The following B4GALT6 variants were observed in gnomAD, a reference collection of about 807,000 sequenced individuals.
B4GALT6 encodes the protein beta-1,4-galactosyltransferase 6, also known as UDP-Gal:beta-GlcNAc beta-1,4-galactosyltransferase 6.
In B4GALT6, 14 loss-of-function variants were observed where a neutral mutation model predicts 46.3. That is an observed-to-expected ratio of 0.30 (90% CI 0.20 to 0.47). The LOEUF is 0.47. Ranked by LOEUF, B4GALT6 falls within the 20% of genes least tolerant of loss-of-function variation. B4GALT6 has a pLI of 0.99. For synonymous variants in B4GALT6, 168 were observed against 162.0 expected (o/e 1.04, Z -0.28); for missense variants, 386 against 480.1 (o/e 0.80, Z 1.83).
At chr18:31,639,326 C>T (rs3794878) in intron 4 of B4GALT6, among the ~76,000 whole-genome samples, 55,984 of 151,874 alleles carry the variant, frequency 0.37, 10,432 homozygotes, top group Middle Eastern at 0.49. Context: ...ATAATAACTT[C>T]CTGGATTTTG....
chr18:31,651,094 C>G (rs1262162055), intron 3 of B4GALT6, among the ~76,000 whole-genome samples: 3 of 151,780 alleles, frequency 2.0e-5, no homozygotes, highest in Admixed American at 2.0e-4. Flanking sequence ...AAGTGTAGAT[C>G]ATCTGAATCA....
chr18:31,714,082 A>G, the B4GALT6 span, among the ~76,000 whole-genome samples: 1 of 152,234 alleles, frequency 6.6e-6, no homozygotes, highest in African/African-American at 2.4e-5. Flanking sequence ...CATAAAGCAC[A>G]TGTCCAATAT....
chr18:31,645,121 T>C (rs980112560), intron 4 of B4GALT6, among the ~76,000 whole-genome samples: 2 of 152,206 alleles, frequency 1.3e-5, no homozygotes, highest in African/African-American at 4.8e-5. Context: ...TACCAGGAAC[T>C]CAAAGAGAAT....
chr18:31,646,822 T>A (rs1002550023), intron 3 of B4GALT6, among the ~76,000 whole-genome samples: 1 of 152,166 alleles, frequency 6.6e-6, no homozygotes, highest in Non-Finnish European at 1.5e-5. Context: ...CATGCTAGAG[T>A]ATTTTACATC....
intron 3 of B4GALT6, among the ~76,000 whole-genome samples, chr18:31,646,122 T>C (rs565210978): frequency 1.3e-5 from 2 of 152,358 alleles, no homozygotes; most frequent in Admixed American, 1.3e-4. Flanking sequence ...TGACATTTCT[T>C]AAGAGAGGGA....
chr18:31,724,434 CG>C, the B4GALT6 span: 1 of 1,041,022 alleles, frequency 9.6e-7, no homozygotes, highest in African/African-American at 1.7e-5. Context: ...ATCTCCCACG[CG>C]AATCGCCGCC....
chr18:31,700,466 T>TGAGA, the B4GALT6 span, among the ~76,000 whole-genome samples: 40 of 133,248 alleles, frequency 3.0e-4, no homozygotes, highest in South Asian at 4.4e-4. Context: ...TGTGTGTGTG[T>TGAGA]GTGAGAGAGA....
the B4GALT6 span, among the ~76,000 whole-genome samples, chr18:31,723,121 G>A: frequency 2.0e-5 from 3 of 152,172 alleles, no homozygotes; most frequent in South Asian, 2.1e-4. Flanking sequence ...TAGCAATATA[G>A]CATACATATT....
At chr18:31,641,241 T>C (rs2073927310) in intron 4 of B4GALT6, among the ~76,000 whole-genome samples, 1 of 152,238 alleles carries the variant, frequency 6.6e-6, no homozygotes, top group Admixed American at 6.5e-5. Flanking sequence ...CAATAATCTC[T>C]TCAATGAAGT....
At chr18:31,650,266 T>C (rs772669626) in intron 3 of B4GALT6, among the ~76,000 whole-genome samples, 9 of 152,244 alleles carry the variant, frequency 5.9e-5, no homozygotes, top group Non-Finnish European at 1.0e-4. Context: ...ACTGGCCACA[T>C]TGTCAAAGTT....
chr18:31,637,400 T>C lies in B4GALT6; in HGVS notation c.588+1244A>G, dbSNP rs7239255. ...TCCATGCAATGTATGCTTTTTTTTTTTTTTTTTGACCTGTCAGTTCAATGG... is the reference window on the plus strand; with the variant it reads ...TCCATGCAATGTATGCTTTTTTTTTCTTTTTTTGACCTGTCAGTTCAATGG... On this transcript the variant is annotated intron_variant, in intron 5 of 8. Coordinates refer to ENST00000306851, the MANE Select transcript of B4GALT6 (RefSeq NM_004775.5). 5.0e-3 allele frequency among the ~76,000 whole-genome samples: 750 copies of C among 150,852 alleles called. 3 individuals carry two copies. Among genetic ancestry groups the C allele is most frequent in the Middle Eastern group, 0.031 (9 of 290 alleles).
chr18:31,656,284 T>C (rs1003216392), intron 3 of B4GALT6, among the ~76,000 whole-genome samples: 1 of 152,106 alleles, frequency 6.6e-6, no homozygotes, highest in Non-Finnish European at 1.5e-5. Context: ...AAAACACAGA[T>C]ACAAAATACA....
chr18:31,668,096 C>CAA (rs111596996), intron 1 of B4GALT6, among the ~76,000 whole-genome samples: 16 of 75,760 alleles, frequency 2.1e-4, no homozygotes, highest in African/African-American at 4.0e-4. Context: ...GACTCCATCT[C>CAA]AAAAAAAAAA....
intron 3 of B4GALT6, among the ~76,000 whole-genome samples, chr18:31,647,504 C>A (rs768262522): frequency 2.4e-4 from 37 of 152,136 alleles, no homozygotes; most frequent in Non-Finnish European, 5.0e-4. Context: ...CAGAGTCCAT[C>A]AGGAGCTTTC....
At chr18:31,684,127 A>T (rs74642195) in intron 1 of B4GALT6, among the ~76,000 whole-genome samples, 185 bp downstream of exon 1, 2 of 152,368 alleles carry the variant, frequency 1.3e-5, no homozygotes, top group Admixed American at 6.5e-5. Context: ...GCATGCATTA[A>T]CAAAACTCAC....
At chr18:31,680,066 G>A (rs890260473) in intron 1 of B4GALT6, among the ~76,000 whole-genome samples, 8 of 152,280 alleles carry the variant, frequency 5.3e-5, no homozygotes, top group Admixed American at 5.2e-4. Context: ...GGGACATGTG[G>A]CCAGTAAGGG....
At chr18:31,704,196 A>G in the B4GALT6 span, among the ~76,000 whole-genome samples, 1 of 151,754 alleles carries the variant, frequency 6.6e-6, no homozygotes, top group African/African-American at 2.4e-5. Context: ...GGCAAAACCA[A>G]TATCTTTTTA....
the B4GALT6 span, among the ~76,000 whole-genome samples, chr18:31,699,980 C>T: frequency 6.6e-6 from 1 of 151,836 alleles, no homozygotes; most frequent in Non-Finnish European, 1.5e-5. Context: ...TTATTTTAAC[C>T]CAGCAAAATC....
chr18:31,666,014 A>C (rs2074278212), intron 2 of B4GALT6, among the ~76,000 whole-genome samples: 1 of 152,240 alleles, frequency 6.6e-6, no homozygotes, highest in South Asian at 2.1e-4. Flanking sequence ...TGCTTTCTAT[A>C]TTTTGTTTAC....
Sources: allele counts gnomAD v4.1 joint callset (sites outside exome capture counted in the v4.1 genomes callset), GRCh38; gene constraint gnomAD v4.1.1; transcripts MANE v1.5; gene names NCBI Gene and HGNC (gene_info 2026-07-23, HGNC 2026-07-21).